SLC38A4: variants seen among roughly 807,000 people sequenced by gnomAD.
SLC38A4 encodes solute carrier family 38 member 4.
In SLC38A4, 20 loss-of-function variants were observed where a neutral mutation model predicts 63.1. That is an observed-to-expected ratio of 0.32 (90% CI 0.22 to 0.46). The LOEUF (loss-of-function observed/expected upper bound fraction) is 0.46. Ranked by LOEUF, SLC38A4 falls within the 20% of genes least tolerant of loss-of-function variation. The probability of loss-of-function intolerance (pLI) is 1.00; values close to 1 mark genes in which losing one functional copy is unlikely to be tolerated. For missense variants in SLC38A4, 526 were observed against 663.6 expected, an observed-to-expected ratio of 0.79 and a Z score of 2.28; for synonymous variants, 230 against 225.5, an observed-to-expected ratio of 1.02 and a Z score of -0.18.
rs1938283592 is a variant in SLC38A4 at position 46,765,653 on chromosome 12, T to C, written c.*1048A>G. ...CTGCCCCCACCCCCAATAATATAAATGCTTTGACTGTGAAGAAAGAAAACT... is the reference window on the plus strand; with the variant it reads ...CTGCCCCCACCCCCAATAATATAAACGCTTTGACTGTGAAGAAAGAAAACT... On this transcript the variant is annotated 3_prime_UTR_variant, in exon 17 of 17. Coordinates refer to ENST00000266579, the MANE Select transcript of SLC38A4 (RefSeq NM_018018.5). 5.6e-6 allele frequency: 1 copy of C among 178,286 alleles called. No individual in the cohort carries two copies. The highest frequency in any genetic ancestry group is 1.2e-5 in the Non-Finnish European group (1 of 82,696). 11.0% of individuals were successfully genotyped at this position (178,286 alleles called of 1,614,324 possible).
chr12:46,804,876 C>CA (rs536151531), intron 1 of SLC38A4, among the ~76,000 whole-genome samples: 13 of 151,832 alleles, frequency 8.6e-5, no homozygotes, highest in Admixed American at 2.6e-4. Context: ...AGGGAAATCT[C>CA]AAAAAAATTC....
At chr12:46,797,536 C>T (rs762026373) in intron 2 of SLC38A4, among the ~76,000 whole-genome samples, 1 of 152,148 alleles carries the variant, frequency 6.6e-6, no homozygotes, top group African/African-American at 2.4e-5. Context: ...ATACCACCAG[C>T]TTTCCTGGTT....
chr12:46,816,031 G>A (rs944540131), intron 1 of SLC38A4, among the ~76,000 whole-genome samples: 6 of 151,872 alleles, frequency 4.0e-5, no homozygotes, highest in African/African-American at 1.4e-4. Context: ...GTTAACTGTA[G>A]TCTGACATTT....
chr12:46,773,636 T>C (rs927301790), intron 14 of SLC38A4, among the ~76,000 whole-genome samples: 21 of 152,090 alleles, frequency 1.4e-4, no homozygotes, highest in Non-Finnish European at 3.1e-4. Flanking sequence ...GGATTTTCCA[T>C]GCTGAGGTGA....
At chr12:46,783,020 ATGTGTGTGTGTGTGTGTGTG>A (rs71437771) in intron 7 of SLC38A4, among the ~76,000 whole-genome samples, 4 of 103,660 alleles carry the variant, frequency 3.9e-5, no homozygotes, top group African/African-American at 1.4e-4. Context: ...GAGAGAGAAA[ATGTGTGTGTGTGTGTGTGTG>A]TGTGTGTGTG....
chr12:46,794,537 A>C (rs1938960292), intron 2 of SLC38A4, among the ~76,000 whole-genome samples: 1 of 151,944 alleles, frequency 6.6e-6, no homozygotes, highest in Non-Finnish European at 1.5e-5. Context: ...GAGTCAAAAA[A>C]AGGAATTCTT....
chr12:46,774,026 C>A (rs906261669), intron 14 of SLC38A4, among the ~76,000 whole-genome samples: 1 of 151,960 alleles, frequency 6.6e-6, no homozygotes, highest in Non-Finnish European at 1.5e-5. Flanking sequence ...CAAGACGGAG[C>A]TGATTTTAGG....
At chr12:46,807,330 A>G (rs532682836) in intron 1 of SLC38A4, among the ~76,000 whole-genome samples, 1 of 151,700 alleles carries the variant, frequency 6.6e-6, no homozygotes, top group African/African-American at 2.4e-5. Context: ...TGTATTTATG[A>G]TGCCTTATTC....
In SLC38A4 at chr12:46,779,619, C is replaced by T; in HGVS notation, c.709G>A (p.Val237Ile). Residue 237 changes from valine (V) to isoleucine (I), a missense_variant, in exon 10 of 17, where the codon GTT becomes ATT. Transcript: ENST00000266579. The stretch of plus-strand genomic sequence containing the variant: ...GTCATCACATCACTTACCACACTAA[C>T]AAAAAACACCATGCAGGTAAGAGAA... ...GFSLTCMVFF[V>I]SVVIYKKFQI... The T allele has an allele frequency of 6.2e-7, 1 of 1,602,794 alleles. No individual in the cohort carries two copies. The highest frequency in any genetic ancestry group is 1.1e-5 in the South Asian group (1 of 88,172).
intron 14 of SLC38A4, among the ~76,000 whole-genome samples, chr12:46,772,705 A>C (rs1325744762): frequency 6.6e-6 from 1 of 152,128 alleles, no homozygotes; most frequent in Non-Finnish European, 1.5e-5. Flanking sequence ...AAAAAGAAAG[A>C]TAATAAATGA....
chr12:46,783,671 G>C (rs780079196), intron 7 of SLC38A4, among the ~76,000 whole-genome samples: 28 of 152,088 alleles, frequency 1.8e-4, no homozygotes, highest in Non-Finnish European at 1.9e-4. Context: ...CATTTACGCT[G>C]ACATCCAGAT....
intron 5 of SLC38A4, among the ~76,000 whole-genome samples, chr12:46,787,166 G>T (rs1452725018): frequency 1.3e-5 from 2 of 152,192 alleles, no homozygotes; most frequent in Non-Finnish European, 2.9e-5. Flanking sequence ...ATAAGGTTTG[G>T]TCACTCAACA....
chr12:46,805,047 G>A (rs1436039909), intron 1 of SLC38A4, among the ~76,000 whole-genome samples: 1 of 151,778 alleles, frequency 6.6e-6, no homozygotes, highest in East Asian at 1.9e-4. Flanking sequence ...TTAATAGTGG[G>A]TCAATCAAAC....
At position 46,765,323 on chromosome 12, in the gene SLC38A4, A is replaced by T. The variant is rs890375301; in HGVS notation, c.*1378T>A. The T allele has an allele frequency of 5.6e-6, 1 of 178,196 alleles. No individual in the cohort carries two copies. Among genetic ancestry groups the T allele is most frequent in the African/African-American group, 2.4e-5 (1 of 41,672 alleles). 11.0% of individuals were successfully genotyped at this position (178,196 alleles called of 1,614,324 possible). ...ATCGTGTGCATTTCTTCGTAGTGTT[A>T]GCACTTATACTTTTACAGAGAACCA... On this transcript the variant is annotated 3_prime_UTR_variant, in exon 17 of 17. Transcript: ENST00000266579.
intron 14 of SLC38A4, 30 bp from the exon 15 acceptor site, chr12:46,769,458 A>AT: frequency 1.3e-6 from 2 of 1,599,716 alleles, no homozygotes; most frequent in Non-Finnish European, 1.7e-6. Context: ...AGGCAAGATC[A>AT]TTTCTTTGTT....
chr12:46,793,027 A>G lies in SLC38A4; in HGVS notation c.45T>C (p.Asp15=), dbSNP rs1243114782. The G allele has an allele frequency of 6.2e-7, 1 of 1,613,288 alleles. No individual in the cohort carries two copies. Among genetic ancestry groups the G allele is most frequent in the South Asian group, 1.1e-5 (1 of 91,058 alleles). ...GAGCACTTTCTCCACTGCTGCTCTC[A>G]TCATCTGGTTCGATGTTGACATTTC... The part of the protein sequence containing the change: ...ELRNVNIEPD[D]ESSSGESAPD... Residue 15 remains aspartate, a synonymous_variant, in exon 3 of 17, where the codon GAT becomes GAC. Transcript: ENST00000266579.
At chr12:46,784,935 C>T (rs971228449) in intron 6 of SLC38A4, among the ~76,000 whole-genome samples, 169 bp downstream of exon 6, 7 of 152,068 alleles carry the variant, frequency 4.6e-5, no homozygotes, top group Non-Finnish European at 1.0e-4. Flanking sequence ...TTCACTCCTG[C>T]CTCTCACTTG....
Position 46,768,345 on chromosome 12 carries a change from T to C in SLC38A4, c.1507A>G (p.Lys503Glu). Residue 503 changes from lysine to glutamate, a missense_variant, in exon 16 of 17, where the codon AAG becomes GAG. Transcript: ENST00000266579. ...LPAVFYLKLV[K>E]KETFRSPQKV... The stretch of plus-strand genomic sequence containing the variant: ...TGGGGTGACCTAAAAGTTTCTTTCT[T>C]GACAAGTTTAAGATAAAAAACTGCT... The C allele has an allele frequency of 1.2e-6, 2 of 1,611,582 alleles. No individual in the cohort carries two copies. The highest frequency in any genetic ancestry group is 2.2e-5 in the South Asian group (2 of 90,894).
At chr12:46,816,943 T>A (rs1310951008) in intron 1 of SLC38A4, among the ~76,000 whole-genome samples, 1 of 151,780 alleles carries the variant, frequency 6.6e-6, no homozygotes, top group Non-Finnish European at 1.5e-5. Context: ...TATTGGGAGA[T>A]CTTGGCATAG....
Sources: allele counts gnomAD v4.1 joint callset (sites outside exome capture counted in the v4.1 genomes callset), GRCh38; gene constraint gnomAD v4.1.1; transcripts MANE v1.5; gene names NCBI Gene and HGNC (gene_info 2026-07-23, HGNC 2026-07-21).